SLC35F4: variants seen among roughly 807,000 people sequenced by gnomAD.
The protein encoded by SLC35F4 is solute carrier family 35 member F4.
In SLC35F4, 24 loss-of-function variants were observed where a neutral mutation model predicts 44.2. The observed-to-expected ratio is 0.54, with a 90% CI of 0.39 to 0.76. The LOEUF (loss-of-function observed/expected upper bound fraction) is 0.76. SLC35F4 is among the 30% of genes least tolerant of loss of function. The pLI is 0.00. For missense variants in SLC35F4, 562 were observed against 586.1 expected (o/e 0.96, Z 0.42); for synonymous variants, 238 against 223.6 (o/e 1.06, Z -0.57).
chr14:57,810,416 C>G (rs1881830705), intron 1 of SLC35F4, among the ~76,000 whole-genome samples: 1 of 152,184 alleles, frequency 6.6e-6, no homozygotes, highest in African/African-American at 2.4e-5. Flanking sequence ...TGTGGATTTT[C>G]ATAATTTTAC....
chr14:57,609,310 G>A (rs1178603874), intron 1 of SLC35F4, among the ~76,000 whole-genome samples: 1 of 152,170 alleles, frequency 6.6e-6, no homozygotes, highest in Non-Finnish European at 1.5e-5. Flanking sequence ...AGAAGAAAAT[G>A]TGAAGCTCTC....
At chr14:57,931,656 A>T (rs942702908) in intron 1 of SLC35F4, among the ~76,000 whole-genome samples, 1 of 152,202 alleles carries the variant, frequency 6.6e-6, no homozygotes, top group Non-Finnish European at 1.5e-5. Flanking sequence ...TGAACATTAG[A>T]TCATGTCATC....
chr14:57,975,127 T>C (rs1881177000), downstream of SLC35F4, among the ~76,000 whole-genome samples: 1 of 152,214 alleles, frequency 6.6e-6, no homozygotes, highest in Non-Finnish European at 1.5e-5. Flanking sequence ...CACAGGAGTT[T>C]ATTACATAAA....
chr14:57,842,189 A>G (rs562891652), intron 1 of SLC35F4, among the ~76,000 whole-genome samples: 11 of 152,336 alleles, frequency 7.2e-5, no homozygotes, highest in African/African-American at 2.6e-4. Context: ...GGCTATTAGA[A>G]AAAACTCACA....
At chr14:57,799,717 A>T (rs972713657) in intron 1 of SLC35F4, among the ~76,000 whole-genome samples, 8 of 152,262 alleles carry the variant, frequency 5.3e-5, no homozygotes, top group African/African-American at 1.9e-4. Flanking sequence ...CTCCCCCTCA[A>T]TGCAGCACAG....
intron 1 of SLC35F4, among the ~76,000 whole-genome samples, chr14:57,947,691 A>G (rs777575229): frequency 6.6e-6 from 1 of 152,076 alleles, no homozygotes; most frequent in Non-Finnish European, 1.5e-5. Context: ...TTACCTTGAT[A>G]TATGTCCCAT....
intron 1 of SLC35F4, among the ~76,000 whole-genome samples, chr14:57,848,579 T>C (rs1886237558): frequency 6.6e-6 from 1 of 152,310 alleles, no homozygotes; most frequent in African/African-American, 2.4e-5. Flanking sequence ...ACAAGCTCTT[T>C]TGGGAGATGA....
intron 1 of SLC35F4, among the ~76,000 whole-genome samples, chr14:57,739,537 C>T (rs932701232): frequency 1.3e-5 from 2 of 152,248 alleles, no homozygotes; most frequent in South Asian, 2.1e-4. Context: ...CTTCCTCTTC[C>T]TCTTCTTCTT....
At chr14:57,739,497 A>C (rs1326052107) in intron 1 of SLC35F4, among the ~76,000 whole-genome samples, 1 of 152,266 alleles carries the variant, frequency 6.6e-6, no homozygotes, top group Non-Finnish European at 1.5e-5. Flanking sequence ...ACAAGCAAGA[A>C]GAAAAGGTAA....
intron 1 of SLC35F4, among the ~76,000 whole-genome samples, chr14:57,927,559 C>G (rs1349750460): frequency 6.6e-6 from 1 of 150,578 alleles, no homozygotes; most frequent in Non-Finnish European, 1.5e-5. Flanking sequence ...GTCATGATCT[C>G]GGTTCACTGC....
At chr14:57,958,382 T>C (rs962918142) in intron 1 of SLC35F4, among the ~76,000 whole-genome samples, 1 of 152,216 alleles carries the variant, frequency 6.6e-6, no homozygotes, top group Non-Finnish European at 1.5e-5. Flanking sequence ...GAAAACATTA[T>C]GCTCAGTGAA....
intron 1 of SLC35F4, among the ~76,000 whole-genome samples, chr14:57,953,479 C>T (rs1172474592): frequency 2.0e-5 from 3 of 152,140 alleles, no homozygotes; most frequent in African/African-American, 7.2e-5. Flanking sequence ...TTAAAAGACA[C>T]AGACTGGCAA....
chr14:57,939,640 A>G (rs188374470), intron 1 of SLC35F4, among the ~76,000 whole-genome samples: 6 of 152,350 alleles, frequency 3.9e-5, no homozygotes, highest in Non-Finnish European at 8.8e-5. Flanking sequence ...TCTATCCAAT[A>G]GCGACTCAAT....
At chr14:57,741,699 A>C (rs1424167042) in intron 1 of SLC35F4, among the ~76,000 whole-genome samples, 4 of 152,218 alleles carry the variant, frequency 2.6e-5, no homozygotes, top group African/African-American at 9.6e-5. Context: ...CAAACCTAGC[A>C]AGGAAGGCCA....
At chr14:57,712,492 G>A (rs751390428) in intron 1 of SLC35F4, among the ~76,000 whole-genome samples, 2 of 152,146 alleles carry the variant, frequency 1.3e-5, no homozygotes, top group Non-Finnish European at 2.9e-5. Context: ...TATTAGCCTA[G>A]AGTTTTTCAA....
At chr14:57,883,070 G>A (rs959707684) in intron 1 of SLC35F4, among the ~76,000 whole-genome samples, 6 of 151,514 alleles carry the variant, frequency 4.0e-5, no homozygotes, top group Admixed American at 2.0e-4. Context: ...GGAGGAGGAC[G>A]AGGAGGAGGA....
chr14:57,853,118 T>C (rs903935122), intron 1 of SLC35F4, among the ~76,000 whole-genome samples: 1 of 152,188 alleles, frequency 6.6e-6, no homozygotes, highest in Admixed American at 6.5e-5. Flanking sequence ...GAAAAAGAAA[T>C]ACGTTTTCCA....
At chr14:57,843,552 G>A (rs1595192148) in intron 1 of SLC35F4, among the ~76,000 whole-genome samples, 1 of 152,064 alleles carries the variant, frequency 6.6e-6, no homozygotes, top group Non-Finnish European at 1.5e-5. Flanking sequence ...GAGTGTCTGG[G>A]TATTGTGAGG....
chr14:57,905,130 AC>A, intron 1 of SLC35F4, among the ~76,000 whole-genome samples: 1 of 152,294 alleles, frequency 6.6e-6, no homozygotes, highest in East Asian at 1.9e-4. Flanking sequence ...CTGGAAGTTT[AC>A]CAATCTGAAT....
Sources: allele counts gnomAD v4.1 joint callset (sites outside exome capture counted in the v4.1 genomes callset), GRCh38; gene constraint gnomAD v4.1.1; transcripts MANE v1.5; gene names NCBI Gene and HGNC (gene_info 2026-07-23, HGNC 2026-07-21).